Variants in RPTOR observed in about 807,000 individuals in gnomAD.
RPTOR encodes regulatory associated protein of MTOR complex 1.
Under a neutral mutation model 169.9 loss-of-function variants are expected in RPTOR, and 21 were observed. The observed-to-expected ratio is 0.12, with a 90% CI of 0.09 to 0.18. RPTOR has a LOEUF of 0.18. RPTOR is among the 10% of genes least tolerant of loss of function. The pLI, the probability that RPTOR is intolerant of heterozygous loss-of-function variation, is 1.00. For synonymous variants in RPTOR, 732 were observed against 753.2 expected (o/e 0.97, Z 0.46); for missense variants, 1,133 against 1,855.9 (o/e 0.61, Z 7.16).
At chr17:80,864,867 G>A (rs2067969047) in intron 13 of RPTOR, among the ~76,000 whole-genome samples, 2 of 152,092 alleles carry the variant, frequency 1.3e-5, no homozygotes, top group Admixed American at 1.3e-4. Flanking sequence ...TACGAGACAA[G>A]GTCTCATTCT....
intron 24 of RPTOR, among the ~76,000 whole-genome samples, chr17:80,935,133 C>T (rs1182574920): frequency 6.6e-6 from 1 of 151,936 alleles, no homozygotes; most frequent in Non-Finnish European, 1.5e-5. Context: ...ACATGAAATA[C>T]TTAAGTATAA....
At chr17:80,905,230 T>A (rs959377374) in intron 20 of RPTOR, among the ~76,000 whole-genome samples, 2 of 152,058 alleles carry the variant, frequency 1.3e-5, no homozygotes, top group African/African-American at 4.8e-5. Flanking sequence ...ATATTTTCGA[T>A]CTGCGGTTGG....
chr17:80,962,886 A>G lies in RPTOR; in HGVS notation c.3810-42A>G, dbSNP rs74853239. The G allele has an allele frequency of 4.3e-4, 695 of 1,610,182 alleles. 6 individuals carry two copies. In the African/African-American group the frequency reaches 8.6e-3, roughly 20 times the overall value. ...CATCTGCGCCCATCTTCCATCCTCA[A>G]AGAAGAGGGCAGTGATGCCGGGACC... On this transcript the variant is annotated intron_variant, in intron 32 of 33. Transcript: ENST00000306801.
chr17:80,591,489 C>T (rs1230964075), intron 1 of RPTOR, among the ~76,000 whole-genome samples: 9 of 151,126 alleles, frequency 6.0e-5, no homozygotes, highest in African/African-American at 2.0e-4. Context: ...AGTGATTCTC[C>T]TGCCTCAGCC....
chr17:80,837,351 G>T (rs991349072), intron 9 of RPTOR, among the ~76,000 whole-genome samples: 1 of 152,138 alleles, frequency 6.6e-6, no homozygotes, highest in African/African-American at 2.4e-5. Context: ...GGAGCAGCAG[G>T]GGGGAGGCAA....
chr17:80,916,039 C>T (rs1238323872), intron 21 of RPTOR, among the ~76,000 whole-genome samples: 1 of 152,168 alleles, frequency 6.6e-6, no homozygotes, highest in Non-Finnish European at 1.5e-5. Context: ...GCTTGCTTAA[C>T]CTCCACTTGT....
intron 3 of RPTOR, among the ~76,000 whole-genome samples, chr17:80,669,448 G>A (rs754821830): frequency 2.0e-5 from 3 of 152,158 alleles, no homozygotes; most frequent in African/African-American, 7.2e-5. Flanking sequence ...GCAGTGGCGC[G>A]ATCTCAGCTC....
intron 13 of RPTOR, among the ~76,000 whole-genome samples, chr17:80,864,429 C>T (rs1000608220): frequency 6.6e-6 from 1 of 151,824 alleles, no homozygotes; most frequent in Admixed American, 6.6e-5. Flanking sequence ...AGCGTGATGG[C>T]AGGTTTCTCA....
chr17:80,665,192 G>T (rs1247842430), intron 3 of RPTOR, among the ~76,000 whole-genome samples: 1 of 152,084 alleles, frequency 6.6e-6, no homozygotes, highest in Non-Finnish European at 1.5e-5. Flanking sequence ...TCCTAATTAG[G>T]TGGTTTGCCG....
intron 10 of RPTOR, among the ~76,000 whole-genome samples, chr17:80,841,834 ACGGCAGC>A: frequency 7.9e-6 from 1 of 126,058 alleles, no homozygotes; most frequent in African/African-American, 3.2e-5. Flanking sequence ...CTCTCACCGC[ACGGCAGC>A]TCACACTCAC....
chr17:80,756,796 T>A (rs1303743280), intron 6 of RPTOR, among the ~76,000 whole-genome samples: 3 of 152,148 alleles, frequency 2.0e-5, no homozygotes, highest in African/African-American at 7.2e-5. Context: ...GATCAAAATA[T>A]CACATGGAGC....
chr17:80,930,346 AG>A (rs1567993639), intron 24 of RPTOR, among the ~76,000 whole-genome samples: 6 of 31,560 alleles, frequency 1.9e-4, no homozygotes, highest in African/African-American at 4.2e-4. Flanking sequence ...GCTCATCCTC[AG>A]CTCATCCCCA....
At chr17:80,940,126 G>A (rs1213254543) in intron 24 of RPTOR, among the ~76,000 whole-genome samples, 1 of 152,138 alleles carries the variant, frequency 6.6e-6, no homozygotes, top group Non-Finnish European at 1.5e-5. Context: ...AATAACTACA[G>A]CCAACCCTCC....
At chr17:80,930,211 GCTCATCCTCA>G (rs2068863630) in intron 24 of RPTOR, among the ~76,000 whole-genome samples, 1 of 16,788 alleles carries the variant, frequency 6.0e-5, no homozygotes, top group Admixed American at 6.1e-4. Context: ...CTCATCCCCA[GCTCATCCTCA>G]GCTCATCCCC....
At chr17:80,765,003 T>A (rs1395808344) in intron 6 of RPTOR, among the ~76,000 whole-genome samples, 2 of 152,172 alleles carry the variant, frequency 1.3e-5, no homozygotes, top group Non-Finnish European at 2.9e-5. Flanking sequence ...AGGCGAGGAT[T>A]TAATACATTT....
chr17:80,964,467 G>A lies in RPTOR; in HGVS notation c.*137G>A, dbSNP rs2069399126. ...GCTGCCTTAGCTGCTGATGACGGCA[G>A]GAGGGCCCTGCTACTCGCTTTTGTC... is the stretch of plus-strand genomic sequence containing the variant. On this transcript the variant is annotated 3_prime_UTR_variant, in exon 34 of 34. Coordinates refer to ENST00000306801, the MANE Select transcript of RPTOR (RefSeq NM_020761.3). 1 of 796,980 alleles carries A rather than the reference G, an allele frequency of 1.3e-6. No individual in the cohort carries two copies. The highest frequency in any genetic ancestry group is 2.1e-6 in the Non-Finnish European group (1 of 479,688). 49.4% of individuals were successfully genotyped at this position (796,980 alleles called of 1,614,324 possible). A position where few individuals can be genotyped will look rare whatever the true frequency, so the allele number is the denominator to read the frequency against.
chr17:80,665,741 T>C (rs868559662), intron 3 of RPTOR, among the ~76,000 whole-genome samples: 5 of 151,832 alleles, frequency 3.3e-5, no homozygotes, highest in Middle Eastern at 3.2e-3. Context: ...GAGATGGGGT[T>C]TCACCGTGTT....
At chr17:80,817,233 GTC>G (rs2067333322) in intron 7 of RPTOR, among the ~76,000 whole-genome samples, 1 of 152,184 alleles carries the variant, frequency 6.6e-6, no homozygotes. Flanking sequence ...CACAGAGCCA[GTC>G]TCTGGCCAAA....
chr17:80,679,040 C>T (rs2065879653), intron 3 of RPTOR, among the ~76,000 whole-genome samples: 2 of 152,256 alleles, frequency 1.3e-5, no homozygotes, highest in African/African-American at 4.8e-5. Context: ...ATTATTCACA[C>T]TGTCCATTAT....
Sources: allele counts gnomAD v4.1 joint callset (sites outside exome capture counted in the v4.1 genomes callset), GRCh38; gene constraint gnomAD v4.1.1; transcripts MANE v1.5; gene names NCBI Gene and HGNC (gene_info 2026-07-23, HGNC 2026-07-21).